The following CHRM3 variants were observed in gnomAD, a reference collection of about 807,000 sequenced individuals.
CHRM3 encodes muscarinic acetylcholine receptor M3.
A neutral mutation model predicts 41.8 loss-of-function variants in CHRM3; 11 were observed. The ratio of observed to expected loss-of-function variants is 0.26; its 90% CI spans 0.17 to 0.44. The LOEUF (loss-of-function observed/expected upper bound fraction) is 0.44, where lower values mean the gene tolerates loss of function less well. Among genes scored for constraint, CHRM3 ranks in the 20% least tolerant of loss-of-function variants. The probability of loss-of-function intolerance (pLI) is 1.00; values close to 1 mark genes in which losing one functional copy is unlikely to be tolerated. For missense variants in CHRM3, 571 were observed against 745.4 expected (o/e 0.77, Z 2.72); for synonymous variants, 297 against 301.4 (o/e 0.99, Z 0.15).
chr1:239,901,841 C>T (rs79404779), intron 6 of CHRM3, among the ~76,000 whole-genome samples: 2,407 of 152,162 alleles, frequency 0.016, 30 homozygotes, highest in South Asian at 0.039. Flanking sequence ...TGTGTACATA[C>T]GAATGCAATA....
At chr1:239,789,440 G>A (rs1669169466) in intron 5 of CHRM3, among the ~76,000 whole-genome samples, 2 of 152,160 alleles carry the variant, frequency 1.3e-5, no homozygotes, top group Admixed American at 1.3e-4. Flanking sequence ...CTGAGACTGG[G>A]TAATGTATAA....
At chr1:239,636,276 C>T (rs189589199) in intron 4 of CHRM3, among the ~76,000 whole-genome samples, 6 of 152,260 alleles carry the variant, frequency 3.9e-5, no homozygotes, top group Admixed American at 2.0e-4. Flanking sequence ...TCCCTTGATG[C>T]CAGTATTTAA....
intron 1 of CHRM3, among the ~76,000 whole-genome samples, chr1:239,463,683 T>C (rs1665518177): frequency 6.6e-6 from 1 of 152,188 alleles, no homozygotes; most frequent in African/African-American, 2.4e-5. Flanking sequence ...CTATCTTTAT[T>C]CTTTCTCTTT....
intron 5 of CHRM3, among the ~76,000 whole-genome samples, chr1:239,778,478 G>A (rs577254158): frequency 3.3e-5 from 5 of 152,140 alleles, no homozygotes; most frequent in African/African-American, 1.2e-4. Context: ...TCCTATCTGT[G>A]CCCTTTTGAT....
chr1:239,883,678 C>T (rs1272598898), intron 6 of CHRM3, among the ~76,000 whole-genome samples: 2 of 152,164 alleles, frequency 1.3e-5, no homozygotes, highest in Admixed American at 6.5e-5. Context: ...TTTGAACCCA[C>T]TAAGTCTAGT....
At chr1:239,537,713 C>T (rs974135483) in intron 2 of CHRM3, among the ~76,000 whole-genome samples, 1 of 152,184 alleles carries the variant, frequency 6.6e-6, no homozygotes, top group Non-Finnish European at 1.5e-5. Flanking sequence ...CTTATGGTCA[C>T]TTAGTTCCCA....
At chr1:239,794,384 G>GTT (rs1553268968) in intron 5 of CHRM3, among the ~76,000 whole-genome samples, 1 of 119,158 alleles carries the variant, frequency 8.4e-6, no homozygotes, top group Non-Finnish European at 1.7e-5. Context: ...TAATTCGTTT[G>GTT]TTGTTTTTTT....
chr1:239,735,525 AC>A (rs1664322947), intron 5 of CHRM3, among the ~76,000 whole-genome samples: 1 of 152,250 alleles, frequency 6.6e-6, no homozygotes, highest in African/African-American at 2.4e-5. Context: ...CCACTGTCAA[AC>A]TTTTTTTCCC....
At chr1:239,877,978 C>T (rs2102850022) in intron 6 of CHRM3, among the ~76,000 whole-genome samples, 1 of 151,532 alleles carries the variant, frequency 6.6e-6, no homozygotes. Context: ...GCAAGCTCTG[C>T]CTCCCAGGTT....
Position 239,516,574 on chromosome 1 carries a change from G to A in CHRM3, c.-422+23767G>A, listed in dbSNP as rs967999030. On this transcript the variant is annotated intron_variant, in intron 2 of 6. Coordinates refer to ENST00000676153, the MANE Select transcript of CHRM3 (RefSeq NM_001375978.1). ...CTACTAGCTGTATGAGATAGCAGGC[G>A]TTCACAGCCTCTTGAAGCTTCAGTT... Among the ~76,000 whole-genome samples the A allele has an allele frequency of 4.6e-5, 7 of 152,270 alleles. No homozygotes were observed. The South Asian group carries it at 1.0e-3, about 23-fold the overall frequency.
At chr1:239,414,536 G>A (rs773814141) in intron 1 of CHRM3, among the ~76,000 whole-genome samples, 2 of 152,226 alleles carry the variant, frequency 1.3e-5, no homozygotes, top group Non-Finnish European at 2.9e-5. Flanking sequence ...TTGTCTCAAA[G>A]CAGGTAGTAG....
intron 6 of CHRM3, among the ~76,000 whole-genome samples, chr1:239,868,939 A>C (rs907713163): frequency 2.0e-4 from 30 of 152,292 alleles, no homozygotes; most frequent in African/African-American, 7.0e-4. Flanking sequence ...GCTGTGAAAT[A>C]GCTTTTTAAG....
chr1:239,865,581 G>A (rs966401925), intron 6 of CHRM3, among the ~76,000 whole-genome samples: 6 of 152,144 alleles, frequency 3.9e-5, no homozygotes, highest in African/African-American at 1.4e-4. Flanking sequence ...ATTCCAAGAG[G>A]TGGGAACACC....
At chr1:239,456,308 C>T (rs2103357760) in intron 1 of CHRM3, among the ~76,000 whole-genome samples, 1 of 152,264 alleles carries the variant, frequency 6.6e-6, no homozygotes, top group Middle Eastern at 3.4e-3. Flanking sequence ...AGGTAAATGC[C>T]CTATGCAGGT....
intron 6 of CHRM3, among the ~76,000 whole-genome samples, chr1:239,864,118 G>T (rs946740583): frequency 6.6e-6 from 1 of 151,338 alleles, no homozygotes; most frequent in Admixed American, 6.6e-5. Flanking sequence ...GATGGCACAT[G>T]CCTGTCATCC....
At chr1:239,750,995 A>G (rs1055738263) in intron 5 of CHRM3, among the ~76,000 whole-genome samples, 5 of 152,170 alleles carry the variant, frequency 3.3e-5, no homozygotes, top group African/African-American at 9.7e-5. Context: ...TGGGAGGCCA[A>G]GGTGGGTGGA....
At chr1:239,424,183 G>A (rs956074812) in intron 1 of CHRM3, among the ~76,000 whole-genome samples, 2 of 151,830 alleles carry the variant, frequency 1.3e-5, no homozygotes, top group Non-Finnish European at 2.9e-5. Context: ...CCACACATCT[G>A]TTAGTGCTCC....
chr1:239,812,444 C>A (rs72758781), intron 5 of CHRM3, among the ~76,000 whole-genome samples: 13,482 of 152,152 alleles, frequency 0.089, 830 homozygotes, highest in South Asian at 0.22. Flanking sequence ...AGAAAGAGAA[C>A]CCTATCCACT....
chr1:239,408,225 T>A (rs1238677900), intron 1 of CHRM3: 1 of 152,076 alleles, frequency 6.6e-6, no homozygotes, highest in African/African-American at 2.4e-5. Flanking sequence ...GACAGACGTA[T>A]TTGCAATCCC....
Sources: allele counts gnomAD v4.1 joint callset (sites outside exome capture counted in the v4.1 genomes callset), GRCh38; gene constraint gnomAD v4.1.1; transcripts MANE v1.5; gene names NCBI Gene and HGNC (gene_info 2026-07-23, HGNC 2026-07-21).